The following WDPCP variants were observed in gnomAD, a reference collection of about 807,000 sequenced individuals.
WDPCP encodes WD repeat-containing and planar cell polarity effector protein fritz homolog.
Under a neutral mutation model 93.1 loss-of-function variants are expected in WDPCP, and 71 were observed. The observed-to-expected ratio is 0.76, with a 90% confidence interval of 0.63 to 0.93. The LOEUF (loss-of-function observed/expected upper bound fraction) is 0.93. WDPCP is among the 40% of genes least tolerant of loss of function. The probability of loss-of-function intolerance (pLI) is 0.00; values close to 1 mark genes in which losing one functional copy is unlikely to be tolerated. For missense variants in WDPCP, 844 were observed against 887.4 expected (o/e 0.95, Z 0.62); for synonymous variants, 315 against 315.0 (o/e 1.00, Z 0.00).
chr2:63,415,491 C>T (rs923704860), intron 9 of WDPCP, among the ~76,000 whole-genome samples: 3 of 152,176 alleles, frequency 2.0e-5, no homozygotes, highest in African/African-American at 7.2e-5. Context: ...TTAACATTTT[C>T]AATACCCCAA....
chr2:63,514,710 A>G (rs1702443255), intron 1 of WDPCP, among the ~76,000 whole-genome samples: 3 of 152,168 alleles, frequency 2.0e-5, no homozygotes, highest in South Asian at 4.1e-4. Context: ...ACAGATATAG[A>G]GCTCAGGAGT....
intron 13 of WDPCP, among the ~76,000 whole-genome samples, chr2:63,300,046 A>C (rs1281777998): frequency 6.6e-6 from 1 of 152,078 alleles, no homozygotes; most frequent in East Asian, 1.9e-4. Flanking sequence ...CTTGCTATGT[A>C]AACATCATAC....
intron 12 of WDPCP, among the ~76,000 whole-genome samples, chr2:63,368,297 A>AATTTATTTATTT (rs201098167): frequency 2.0e-4 from 30 of 147,148 alleles, no homozygotes; most frequent in Middle Eastern, 7.3e-3. Flanking sequence ...GTTTATTTTT[A>AATTTATTTATTT]ATTTATTTAT....
At chr2:63,571,236 G>C (rs1362809293) in intron 1 of WDPCP, 3 of 378,660 alleles carry the variant, frequency 7.9e-6, no homozygotes, top group Non-Finnish European at 1.5e-5. Flanking sequence ...ACATTACCAT[G>C]TGTCACTTTC....
At chr2:63,383,472 T>A (rs896501872) in intron 10 of WDPCP, among the ~76,000 whole-genome samples, 1 of 152,130 alleles carries the variant, frequency 6.6e-6, no homozygotes, top group African/African-American at 2.4e-5. Context: ...CTGAGCACTA[T>A]GGAAGGCCAA....
At chr2:63,753,138 C>T (rs950332706) in intron 2 of WDPCP, among the ~76,000 whole-genome samples, 54 of 152,048 alleles carry the variant, frequency 3.6e-4, no homozygotes, top group Non-Finnish European at 1.5e-4. Flanking sequence ...TGAAGAAATA[C>T]CTGAGACTAG....
intron 17 of WDPCP, among the ~76,000 whole-genome samples, chr2:63,128,435 G>A (rs1214771375): frequency 6.6e-6 from 1 of 151,992 alleles, no homozygotes; most frequent in African/African-American, 2.4e-5. Flanking sequence ...TAGATCACTA[G>A]TGGTTTCATT....
At chr2:63,575,217 A>G (rs1306711199) in intron 1 of WDPCP, among the ~76,000 whole-genome samples, 2 of 151,310 alleles carry the variant, frequency 1.3e-5, no homozygotes, top group Admixed American at 6.6e-5. Context: ...TAATAGAAAT[A>G]GTCTAGAAAT....
At chr2:63,311,659 G>A (rs1425719739) in intron 13 of WDPCP, among the ~76,000 whole-genome samples, 1 of 152,138 alleles carries the variant, frequency 6.6e-6, no homozygotes, top group African/African-American at 2.4e-5. Flanking sequence ...CCTATCAGTA[G>A]AAAGGCTACT....
At chr2:63,122,250 T>C (rs967752037) in intron 17 of WDPCP, among the ~76,000 whole-genome samples, 194 bp from the exon 18 acceptor site, 3 of 152,142 alleles carry the variant, frequency 2.0e-5, no homozygotes, top group Non-Finnish European at 2.9e-5. Context: ...ACGATATTTA[T>C]AAAAACTAGT....
intron 17 of WDPCP, among the ~76,000 whole-genome samples, chr2:63,148,797 C>T (rs1671701622): frequency 6.6e-6 from 1 of 151,860 alleles, no homozygotes; most frequent in South Asian, 2.1e-4. Context: ...GAGTCTGGGA[C>T]ATCTCATGCC....
chr2:63,799,391 T>C (rs1575776092), intron 2 of WDPCP, among the ~76,000 whole-genome samples: 1 of 152,222 alleles, frequency 6.6e-6, no homozygotes, highest in African/African-American at 2.4e-5. Flanking sequence ...TAACTGAAGC[T>C]TACTGAGATT....
intron 10 of WDPCP, among the ~76,000 whole-genome samples, chr2:63,388,938 G>A (rs940094432): frequency 1.3e-5 from 2 of 152,212 alleles, no homozygotes; most frequent in Admixed American, 6.5e-5. Flanking sequence ...GTACCTAAAA[G>A]TGATGGGGAG....
At chr2:63,605,918 G>A (rs1420807397) in intron 3 of WDPCP, 4 of 1,593,874 alleles carry the variant, frequency 2.5e-6, no homozygotes, top group Non-Finnish European at 3.4e-6. Context: ...TCATGAGTAT[G>A]TGAAACATTG....
chr2:63,677,155 C>A (rs920702211), intron 2 of WDPCP, among the ~76,000 whole-genome samples: 1 of 152,246 alleles, frequency 6.6e-6, no homozygotes. Flanking sequence ...TATTGAGAAC[C>A]ACTGACTTAC....
chr2:63,599,530 A>G (rs1047627181), intron 3 of WDPCP: 18 of 298,574 alleles, frequency 6.0e-5, no homozygotes, highest in Admixed American at 2.4e-4. Context: ...CTATATTTCA[A>G]TTGCTAACTA....
At chr2:63,498,534 A>C (rs1481433300) in intron 1 of WDPCP, among the ~76,000 whole-genome samples, 2 of 152,238 alleles carry the variant, frequency 1.3e-5, no homozygotes, top group Non-Finnish European at 2.9e-5. Flanking sequence ...TACCATATAG[A>C]CTAAATTTTG....
intron 12 of WDPCP, among the ~76,000 whole-genome samples, chr2:63,314,660 T>A (rs1370066383): frequency 2.6e-5 from 4 of 152,118 alleles, no homozygotes; most frequent in African/African-American, 9.7e-5. Flanking sequence ...TGCCTCCCCA[T>A]GAAATCAGTA....
chr2:63,192,822 A>T (rs753444295), intron 14 of WDPCP, among the ~76,000 whole-genome samples: 5 of 152,252 alleles, frequency 3.3e-5, no homozygotes, highest in Admixed American at 6.5e-5. Flanking sequence ...TGTGCCTTCA[A>T]AGGAGATATC....
Sources: gnomAD v4.1 joint callset for allele counts (sites outside exome capture counted in the v4.1 genomes callset) on GRCh38, gnomAD v4.1.1 for gene constraint, MANE v1.5 for transcripts, NCBI Gene and HGNC (gene_info 2026-07-23, HGNC 2026-07-21) for gene names.